Variants in GRID2 observed in about 807,000 individuals in gnomAD.
GRID2 encodes the protein glutamate receptor ionotropic, delta-2.
GRID2 carries 33 observed loss-of-function variants against 114.8 expected under a neutral mutation model. That is an observed-to-expected ratio of 0.29 (90% confidence interval 0.22 to 0.38). The LOEUF (loss-of-function observed/expected upper bound fraction) is 0.38, where lower values mean the gene tolerates loss of function less well. GRID2 is among the 10% of genes least tolerant of loss of function. The pLI is 1.00. For missense variants in GRID2, 1,184 were observed against 1,257.7 expected (o/e 0.94, Z 0.89); for synonymous variants, 505 against 449.9 (o/e 1.12, Z -1.55).
At chr4:92,888,566 G>A (rs906307916) in intron 2 of GRID2, among the ~76,000 whole-genome samples, 20 of 151,900 alleles carry the variant, frequency 1.3e-4, no homozygotes, top group Non-Finnish European at 2.1e-4. Flanking sequence ...TGAAACTAAC[G>A]TCTTTCAGTA....
chr4:92,731,403 T>C (rs572103061), intron 2 of GRID2, among the ~76,000 whole-genome samples: 1 of 152,060 alleles, frequency 6.6e-6, no homozygotes, highest in African/African-American at 2.4e-5. Context: ...AACAACCTAG[T>C]AAAGTAGCAG....
chr4:93,177,355 C>T (rs952457013), intron 4 of GRID2, among the ~76,000 whole-genome samples: 9 of 151,958 alleles, frequency 5.9e-5, no homozygotes, highest in African/African-American at 2.2e-4. Flanking sequence ...TGCTTTTAGC[C>T]TTTTCATGCC....
In GRID2 at chr4:93,017,052, A is replaced by G. The variant is rs187507270; in HGVS notation, c.245-67943A>G. Among the ~76,000 whole-genome samples, 519 of 152,310 alleles carry G rather than the reference A, an allele frequency of 3.4e-3. 4 individuals carry two copies. The highest frequency in any genetic ancestry group is 0.012 in the African/African-American group (505 of 41,576). ...AAGGGATAAAAACTGAAAATTATCAATAATGAAATTTGGAAGTCTTGTCAA... is the reference window on the plus strand; with the variant it reads ...AAGGGATAAAAACTGAAAATTATCAGTAATGAAATTTGGAAGTCTTGTCAA... On this transcript the variant is annotated intron_variant, in intron 2 of 15. Coordinates refer to ENST00000282020, the MANE Select transcript of GRID2 (RefSeq NM_001510.4).
intron 2 of GRID2, among the ~76,000 whole-genome samples, chr4:92,670,801 G>C (rs887119112): frequency 6.6e-6 from 1 of 151,926 alleles, no homozygotes; most frequent in East Asian, 1.9e-4. Flanking sequence ...TGAGAAAACC[G>C]GGGCTTAGAG....
Position 93,146,715 on chromosome 4 carries a change from A to T in GRID2, c.735+35762A>T, listed in dbSNP as rs1579114870. On this transcript the variant is annotated intron_variant, in intron 4 of 15. Transcript: ENST00000282020. Reference sequence around the variant, plus strand: ...ACCTAAGTGATTTAAAAAAAAAAAAATCTTATACTTATAAATATTGTGCAC... The same window carrying T: ...ACCTAAGTGATTTAAAAAAAAAAAATTCTTATACTTATAAATATTGTGCAC... Among the ~76,000 whole-genome samples the T allele has an allele frequency of 2.0e-5, 3 of 146,490 alleles. No individual in the cohort carries two copies. In the South Asian group the frequency reaches 6.6e-4, roughly 32 times the overall value.
chr4:93,010,156 C>T (rs969655535), intron 2 of GRID2, among the ~76,000 whole-genome samples: 1 of 151,984 alleles, frequency 6.6e-6, no homozygotes, highest in Admixed American at 6.6e-5. Context: ...CAGTAACTTA[C>T]TTAAAAAAAT....
At chr4:92,947,614 G>A (rs1039815018) in intron 2 of GRID2, among the ~76,000 whole-genome samples, 3 of 151,708 alleles carry the variant, frequency 2.0e-5, no homozygotes, top group African/African-American at 7.3e-5. Flanking sequence ...ATTGACAAAT[G>A]TCTACTTCCT....
intron 14 of GRID2, among the ~76,000 whole-genome samples, chr4:93,654,368 G>C (rs1299694079): frequency 6.6e-6 from 1 of 152,108 alleles, no homozygotes; most frequent in East Asian, 1.9e-4. Context: ...GAGCTTTCAG[G>C]GCCGAGTTCT....
chr4:93,614,338 C>T (rs542948178), intron 13 of GRID2, among the ~76,000 whole-genome samples: 1 of 152,258 alleles, frequency 6.6e-6, no homozygotes, highest in South Asian at 2.1e-4. Context: ...GCTCCTCCCC[C>T]CTGAAAATTA....
chr4:92,766,536 CAAA>C (rs34162997), intron 2 of GRID2, among the ~76,000 whole-genome samples: 6 of 86,946 alleles, frequency 6.9e-5, no homozygotes, highest in Admixed American at 1.3e-4. Flanking sequence ...GACTCCTTCT[CAAA>C]AAAAAAAAAA....
intron 1 of GRID2, among the ~76,000 whole-genome samples, chr4:92,547,074 A>G (rs1465077451): frequency 6.6e-6 from 1 of 152,172 alleles, no homozygotes; most frequent in African/African-American, 2.4e-5. Flanking sequence ...TCTTCCAAAA[A>G]TAGGAGGGTT....
At chr4:92,938,365 C>A (rs1324477533) in intron 2 of GRID2, among the ~76,000 whole-genome samples, 1 of 146,426 alleles carries the variant, frequency 6.8e-6, no homozygotes, top group Admixed American at 7.4e-5. Context: ...TTCAAAAAAA[C>A]TATTATAAAC....
chr4:93,684,073 T>C (rs1294905431), intron 14 of GRID2, among the ~76,000 whole-genome samples: 4 of 152,178 alleles, frequency 2.6e-5, no homozygotes, highest in Admixed American at 1.3e-4. Flanking sequence ...TATGGAATTA[T>C]AGTTATCTAT....
At chr4:93,781,203 G>T (rs1034136366) in intron 1 of GRID2, among the ~76,000 whole-genome samples, 1 of 152,162 alleles carries the variant, frequency 6.6e-6, no homozygotes. Flanking sequence ...CTTTCATTGG[G>T]AGCATGAATG....
intron 2 of GRID2, among the ~76,000 whole-genome samples, chr4:93,004,737 C>T (rs892351216): frequency 7.9e-5 from 12 of 151,846 alleles, no homozygotes; most frequent in Non-Finnish European, 1.3e-4. Flanking sequence ...ACTTGTGTTT[C>T]TCTCTTCAGC....
chr4:93,395,793 C>A, intron 9 of GRID2, 85 bp downstream of exon 9: 2 of 603,492 alleles, frequency 3.3e-6, no homozygotes, highest in South Asian at 2.3e-5. Context: ...ATGACATAAT[C>A]TTAAAAGAGA....
chr4:93,562,873 T>A (rs1447978408), intron 13 of GRID2, among the ~76,000 whole-genome samples: 1 of 152,070 alleles, frequency 6.6e-6, no homozygotes, highest in Non-Finnish European at 1.5e-5. Flanking sequence ...GGGCTCTCTA[T>A]TCTGTTCTAT....
At chr4:93,141,940 T>C (rs540336617) in intron 4 of GRID2, among the ~76,000 whole-genome samples, 9 of 152,310 alleles carry the variant, frequency 5.9e-5, no homozygotes, top group African/African-American at 1.4e-4. Context: ...CCACTTGTGG[T>C]TTAATATTTA....
At chr4:93,337,540 A>G (rs1295981690) in intron 8 of GRID2, among the ~76,000 whole-genome samples, 1 of 152,202 alleles carries the variant, frequency 6.6e-6, no homozygotes, top group Non-Finnish European at 1.5e-5. Flanking sequence ...TTTGCTTCGA[A>G]GGGAGACACT....
Sources: allele counts gnomAD v4.1 joint callset (sites outside exome capture counted in the v4.1 genomes callset), GRCh38; gene constraint gnomAD v4.1.1; transcripts MANE v1.5; gene names NCBI Gene and HGNC (gene_info 2026-07-23, HGNC 2026-07-21).